The following FREM2 variants were observed in gnomAD, a reference collection of about 807,000 sequenced individuals.
The protein encoded by FREM2 is FRAS1 related extracellular matrix 2, also known as FRAS1-related extracellular matrix protein 2.
In FREM2, 119 loss-of-function variants were observed where a neutral mutation model predicts 219.9. The observed-to-expected ratio is 0.54, with a 90% CI of 0.47 to 0.63. The LOEUF (loss-of-function observed/expected upper bound fraction) is 0.63, where lower values mean the gene tolerates loss of function less well. Among genes scored for constraint, FREM2 ranks in the 30% least tolerant of loss-of-function variants. The pLI is 0.00. For missense variants in FREM2, 4,030 were observed against 3,993.6 expected (o/e 1.01, Z -0.25); for synonymous variants, 1,562 against 1,522.8 (o/e 1.03, Z -0.60).
intron 23 of FREM2, 61 bp from the exon 24 acceptor site, chr13:38,880,223 G>T: frequency 6.6e-7 from 1 of 1,508,154 alleles, no homozygotes; most frequent in Non-Finnish European, 9.2e-7. Flanking sequence ...CTTGCAAAGA[G>T]TCGTGGATTA....
intron 6 of FREM2, among the ~76,000 whole-genome samples, chr13:38,818,263 C>T (rs1277095625): frequency 4.6e-5 from 7 of 152,018 alleles, no homozygotes; most frequent in Admixed American, 4.6e-4. Context: ...TTTACAATAG[C>T]TAAGATATGG....
intron 2 of FREM2, among the ~76,000 whole-genome samples, chr13:38,754,153 G>C (rs1056152281): frequency 6.6e-6 from 1 of 151,884 alleles, no homozygotes; most frequent in African/African-American, 2.4e-5. Flanking sequence ...CTGGATTTTG[G>C]CTTTGGCTCC....
chr13:38,794,760 T>G (rs1412018061), intron 6 of FREM2, among the ~76,000 whole-genome samples: 1 of 152,168 alleles, frequency 6.6e-6, no homozygotes, highest in Non-Finnish European at 1.5e-5. Flanking sequence ...TGCAGTTTTA[T>G]CAGTTCAGCA....
intron 6 of FREM2, among the ~76,000 whole-genome samples, chr13:38,833,532 A>G (rs144120114): frequency 6.6e-6 from 1 of 152,228 alleles, no homozygotes; most frequent in African/African-American, 2.4e-5. Context: ...ACATTAAAAT[A>G]TTTCATCTAC....
chr13:38,876,961 T>C (rs1878361372), intron 20 of FREM2, among the ~76,000 whole-genome samples, 156 bp from the exon 21 acceptor site: 1 of 152,172 alleles, frequency 6.6e-6, no homozygotes, highest in Non-Finnish European at 1.5e-5. Flanking sequence ...ACAAAAGCAA[T>C]GTTACAACTC....
chr13:38,722,730 G>A (rs1193143499), intron 2 of FREM2, among the ~76,000 whole-genome samples: 1 of 146,956 alleles, frequency 6.8e-6, no homozygotes, highest in Non-Finnish European at 1.5e-5. Flanking sequence ...TCAAGCAGAG[G>A]GTGTAGCTGG....
rs4941900 is a variant in FREM2 at position 38,855,271 on chromosome 13, C to A, written c.6926-855C>A. On this transcript the variant is annotated intron_variant, in intron 11 of 23. Transcript: ENST00000280481. ...AACTTGTCTAAGTTTCCCTGAAAAA[C>A]ACAAAGAAGTCTTCTTGAAATATAA... 6.2e-3 allele frequency among the ~76,000 whole-genome samples: 941 copies of A among 152,136 alleles called. 5 individuals are homozygous for A. The highest frequency in any genetic ancestry group is 8.5e-3 in the Non-Finnish European group (581 of 67,980).
chr13:38,837,775 G>GTTTTTTTTTTTTTTTTTTTTTTTTTT (rs1555270912), intron 6 of FREM2, among the ~76,000 whole-genome samples: 2 of 128,846 alleles, frequency 1.6e-5, no homozygotes, highest in Non-Finnish European at 3.4e-5. Flanking sequence ...GTTTTTTTTT[G>GTTTTTTTTTTTTTTTTTTTTTTTTTT]TTTTGTTTTG....
chr13:38,840,468 C>T (rs1242030095), intron 6 of FREM2, among the ~76,000 whole-genome samples: 1 of 147,350 alleles, frequency 6.8e-6, no homozygotes, highest in Admixed American at 6.8e-5. Context: ...GTCACCCAGG[C>T]TGGAGTGCAA....
chr13:38,807,872 A>C (rs545342901), intron 6 of FREM2, among the ~76,000 whole-genome samples: 2 of 152,120 alleles, frequency 1.3e-5, no homozygotes, highest in South Asian at 4.1e-4. Context: ...TACCAGCTGC[A>C]TTAGCCCCTA....
In FREM2 at chr13:38,851,677, C is replaced by A; in HGVS notation, c.6743-9C>A. 6.3e-7 allele frequency: 1 copy of A among 1,590,626 alleles called. No homozygotes were observed. The highest frequency in any genetic ancestry group is 8.6e-7 in the Non-Finnish European group (1 of 1,159,332). ...CAATTTCATTTGTCTTTGTTTCCCA[C>A]AATTTTAGAGACTGTTATTAAATTT... On this transcript the variant is annotated splice_polypyrimidine_tract_variant and intron_variant, in intron 10 of 23. Coordinates refer to ENST00000280481, the MANE Select transcript of FREM2 (RefSeq NM_207361.6).
intron 10 of FREM2, among the ~76,000 whole-genome samples, chr13:38,851,437 A>G (rs1021853663): frequency 2.0e-5 from 3 of 152,140 alleles, no homozygotes; most frequent in Non-Finnish European, 2.9e-5. Context: ...GCTCATGTGT[A>G]ATTTATGGCA....
Position 38,690,641 on chromosome 13 carries a change from T to C in FREM2, c.3297T>C (p.Asn1099=). 4 of 1,613,812 alleles carry C rather than the reference T, an allele frequency of 2.5e-6. No individual in the cohort carries two copies. Among genetic ancestry groups the C allele is most frequent in the Non-Finnish European group, 3.4e-6 (4 of 1,179,882 alleles). The change falls in exon 1 of 24, where the codon AAT becomes AAC. Residue 1099 remains asparagine, a synonymous_variant. Transcript: ENST00000280481. The stretch of plus-strand genomic sequence containing the variant: ...GTGCTGAAGATGTCGACTCCCTGAA[T>C]GATGACATCTTGTGCACTATAGTTA... The part of the protein sequence containing the change: ...HISAEDVDSL[N]DDILCTIVIQ...
In FREM2 at chr13:38,688,707, CG is replaced by C; in HGVS notation, c.1365del (p.Leu457SerfsTer20). 6.2e-7 allele frequency: 1 copy of C among 1,614,026 alleles called. No individual in the cohort carries two copies. The highest frequency in any genetic ancestry group is 8.5e-7 in the Non-Finnish European group (1 of 1,179,934). On this transcript the variant is annotated frameshift_variant, in exon 1 of 24. Transcript: ENST00000280481. LOFTEE classifies it high-confidence loss of function. ...TCTTATTCTCTATGAGGGTCAGTCT[CG>C]GCCCCTCACAGGCCCTGCAGGCAGT... is the stretch of plus-strand genomic sequence containing the variant. ...TGLILYEGQSRPLTGPAGSGP... is the reference protein window; with the variant it reads ...TGLILYEGQSXPLTGPAGSGP...
intron 2 of FREM2, 24 bp downstream of exon 2, chr13:38,697,811 G>C: frequency 7.6e-7 from 1 of 1,322,520 alleles, no homozygotes; most frequent in Non-Finnish European, 1.1e-6. Flanking sequence ...TCTCCTGGTA[G>C]TGACCGCAAG....
chr13:38,746,527 A>T (rs941488723), intron 2 of FREM2, among the ~76,000 whole-genome samples: 1 of 152,196 alleles, frequency 6.6e-6, no homozygotes, highest in Admixed American at 6.6e-5. Context: ...TAAGTTACCT[A>T]AGAGGAATGG....
intron 2 of FREM2, among the ~76,000 whole-genome samples, chr13:38,753,802 G>A (rs1348745239): frequency 6.6e-6 from 1 of 152,094 alleles, no homozygotes; most frequent in African/African-American, 2.4e-5. Flanking sequence ...ATTCCACTAA[G>A]TGTAAGCTCC....
intron 11 of FREM2, among the ~76,000 whole-genome samples, chr13:38,852,735 C>T (rs1818511556): frequency 6.9e-6 from 1 of 145,440 alleles, no homozygotes. Flanking sequence ...GACAGAGTCT[C>T]ACGCTGTTGG....
At chr13:38,745,878 CCTT>C (rs1263301429) in intron 2 of FREM2, among the ~76,000 whole-genome samples, 6 of 152,160 alleles carry the variant, frequency 3.9e-5, no homozygotes, top group South Asian at 2.1e-4. Context: ...TCTCATCTCT[CCTT>C]CTTTCTTCCC....
Sources: gnomAD v4.1 joint callset for allele counts (sites outside exome capture counted in the v4.1 genomes callset) on GRCh38, gnomAD v4.1.1 for gene constraint, MANE v1.5 for transcripts, NCBI Gene and HGNC (gene_info 2026-07-23, HGNC 2026-07-21) for gene names.